The following ATP1A4 variants were observed in gnomAD, a reference collection of about 807,000 sequenced individuals.
ATP1A4 encodes the protein sodium/potassium-transporting ATPase subunit alpha-4.
A neutral mutation model predicts 114.3 loss-of-function variants in ATP1A4; 90 were observed. The observed-to-expected ratio is 0.79, with a 90% CI of 0.66 to 0.94. The LOEUF is 0.94. ATP1A4 is among the 40% of genes least tolerant of loss of function. The pLI, the probability that ATP1A4 is intolerant of heterozygous loss-of-function variation, is 0.00. For synonymous variants in ATP1A4, 511 were observed against 494.1 expected (o/e 1.03, Z -0.45); for missense variants, 1,222 against 1,313.6 (o/e 0.93, Z 1.08).
intron 9 of ATP1A4, 87 bp from the exon 10 acceptor site, chr1:160,167,191 T>C (rs1653072144): frequency 1.8e-6 from 2 of 1,120,758 alleles, no homozygotes; most frequent in Admixed American, 3.8e-5. Flanking sequence ...GCCCTCCCCA[T>C]TTGTCCCCTC....
At chr1:160,157,943 A>G (rs1327655911) in intron 4 of ATP1A4, among the ~76,000 whole-genome samples, 1 of 152,192 alleles carries the variant, frequency 6.6e-6, no homozygotes, top group Non-Finnish European at 1.5e-5. Context: ...TTGCAAAGGA[A>G]TAGGCTCCAC....
intron 18 of ATP1A4, 117 bp from the exon 19 acceptor site, chr1:160,181,567 A>G (rs1180068436): frequency 1.7e-6 from 2 of 1,179,912 alleles, no homozygotes; most frequent in African/African-American, 3.1e-5. Flanking sequence ...AAAAAAAAAA[A>G]AAAAAGAATG....
intron 4 of ATP1A4, 57 bp from the exon 5 acceptor site, chr1:160,158,945 G>C (rs1652769316): frequency 6.3e-7 from 1 of 1,577,216 alleles, no homozygotes; most frequent in Non-Finnish European, 8.6e-7. Context: ...TTTAGGCTAA[G>C]AGTGGGATGA....
In ATP1A4 at chr1:160,157,245, G is replaced by A. The variant is rs572655232; in HGVS notation, c.525+1087G>A. On this transcript the variant is annotated intron_variant, in intron 4 of 21. Transcript: ENST00000368081. ...TGCAGGTTTGTTATATAAGTAAACTGTGTGTCACAGGGATTTGGTGTACGA... is the reference window on the plus strand; with the variant it reads ...TGCAGGTTTGTTATATAAGTAAACTATGTGTCACAGGGATTTGGTGTACGA... Among the ~76,000 whole-genome samples, 13 of 152,292 alleles carry A rather than the reference G, an allele frequency of 8.5e-5. No homozygotes were observed. The East Asian group carries it at 2.5e-3, about 29-fold the overall frequency.
At chr1:160,159,348 G>T in intron 5 of ATP1A4, 61 bp from the exon 6 acceptor site, 1 of 1,463,198 alleles carries the variant, frequency 6.8e-7, no homozygotes. Flanking sequence ...TACTATTTTT[G>T]TAAATAAATC....
chr1:160,152,386 G>A (rs1316921044), intron 1 of ATP1A4, among the ~76,000 whole-genome samples, 199 bp downstream of exon 1: 1 of 152,030 alleles, frequency 6.6e-6, no homozygotes, highest in African/African-American at 2.4e-5. Context: ...GCAAGCACAG[G>A]TATATTGCAG....
At position 160,155,112 on chromosome 1, in the gene ATP1A4, C is replaced by A. The variant is rs1652596032; in HGVS notation, c.275C>A (p.Pro92His). 2.5e-6 allele frequency: 4 copies of A among 1,614,014 alleles called. No homozygotes were observed. The highest frequency in any genetic ancestry group is 4.5e-5 in the East Asian group (2 of 44,864). ...RGGPNTVTPP[P>H]TTPEWVKFCK... is the part of the protein sequence containing the mutation. Reference sequence around the variant, plus strand: ...GGACCCAATACTGTTACCCCACCCCCCACCACTCCAGAATGGGTCAAATTC... The same window carrying A: ...GGACCCAATACTGTTACCCCACCCCACACCACTCCAGAATGGGTCAAATTC... The change falls in exon 3 of 22, where the codon CCC becomes CAC. Residue 92 changes from proline to histidine, a missense_variant. By Grantham distance (77) the Pro-to-His change is moderately conservative. Transcript: ENST00000368081.
chr1:160,170,142 T>A (rs972777322), intron 10 of ATP1A4: 14 of 151,698 alleles, frequency 9.2e-5, no homozygotes, highest in African/African-American at 3.4e-4. Flanking sequence ...ATGCAAAAAA[T>A]CAGCCAGGCA....
intron 18 of ATP1A4, 31 bp from the exon 19 acceptor site, chr1:160,181,653 A>C (rs1435641622): frequency 6.2e-7 from 1 of 1,612,822 alleles, no homozygotes; most frequent in South Asian, 1.1e-5. Flanking sequence ...TCCCCTTCTG[A>C]CACTGTTTCC....
chr1:160,172,362 T>C lies in ATP1A4; in HGVS notation c.1854+605T>C, dbSNP rs117902770. Among the ~76,000 whole-genome samples the C allele has an allele frequency of 5.8e-4, 88 of 152,200 alleles. 1 individual carries two copies. The East Asian group carries it at 0.013, about 22-fold the overall frequency. On this transcript the variant is annotated intron_variant, in intron 12 of 21. Transcript: ENST00000368081. ...ACCAGGCAATAGTGAGAATGAGATA[T>C]TGAGAGCTGAAGGATCTTCAATGGG...
Position 160,177,614 on chromosome 1 carries a change from T to C in ATP1A4, c.2686T>C (p.Trp896Arg), listed in dbSNP as rs201686010. The C allele has an allele frequency of 1.1e-5, 17 of 1,614,062 alleles. No homozygotes were observed. Among genetic ancestry groups the C allele is most frequent in the Non-Finnish European group, 1.4e-5 (17 of 1,180,048 alleles). The stretch of plus-strand genomic sequence containing the variant: ...TGATCTGCTGGGCATCCGCCTCCAC[T>C]GGGAAGATAAATACTTGAATGACCT... ...PVDLLGIRLHWEDKYLNDLED... is the reference protein window; with the variant it reads ...PVDLLGIRLHREDKYLNDLED... Residue 896 changes from tryptophan (W) to arginine (R), a missense_variant, in exon 18 of 22, where the codon TGG becomes CGG. Coordinates refer to ENST00000368081, the MANE Select transcript of ATP1A4 (RefSeq NM_144699.4).
At position 160,158,991 on chromosome 1, in the gene ATP1A4, T is replaced by A; in HGVS notation, c.526-11T>A. 1 of 1,613,066 alleles carries A rather than the reference T, an allele frequency of 6.2e-7. No homozygotes were observed. Among genetic ancestry groups the A allele is most frequent in the African/African-American group, 1.3e-5 (1 of 74,998 alleles). ...AAGTTTTGGAAATGATCCTGCACTA[T>A]CCTCTCATAGCAAGCTCTGGTAATT... On this transcript the variant is annotated splice_polypyrimidine_tract_variant and intron_variant, in intron 4 of 21. Transcript: ENST00000368081.
intron 20 of ATP1A4, among the ~76,000 whole-genome samples, chr1:160,185,861 G>A (rs1001284377): frequency 6.6e-6 from 1 of 150,676 alleles, no homozygotes; most frequent in Non-Finnish European, 1.5e-5. Context: ...AGAGTTTGCA[G>A]TGAGCCGAGA....
At chr1:160,181,864 G>T in intron 19 of ATP1A4, 50 bp downstream of exon 19, 1 of 1,613,710 alleles carries the variant, frequency 6.2e-7, no homozygotes, top group Non-Finnish European at 8.5e-7. Flanking sequence ...CCACACACCA[G>T]GACATGCCAT....
chr1:160,184,089 A>G (rs1343870258), intron 20 of ATP1A4, among the ~76,000 whole-genome samples: 1 of 151,632 alleles, frequency 6.6e-6, no homozygotes, highest in African/African-American at 2.4e-5. Flanking sequence ...AGTAGCTGGG[A>G]TTACAGGCAC....
chr1:160,155,979 T>G (rs1652638109), intron 3 of ATP1A4, 66 bp from the exon 4 acceptor site: 1 of 981,534 alleles, frequency 1.0e-6, no homozygotes, highest in Admixed American at 1.7e-5. Context: ...CCTTGCAGAC[T>G]GATTTTCTGA....
intron 6 of ATP1A4, among the ~76,000 whole-genome samples, chr1:160,160,468 C>T (rs781123564): frequency 2.0e-5 from 3 of 152,170 alleles, no homozygotes; most frequent in African/African-American, 2.4e-5. Context: ...CTGCCCTCCT[C>T]GGCCTCCCAA....
At chr1:160,156,943 T>C (rs1439852779) in intron 4 of ATP1A4, among the ~76,000 whole-genome samples, 1 of 152,076 alleles carries the variant, frequency 6.6e-6, no homozygotes, top group African/African-American at 2.4e-5. Context: ...TGAGACCTTA[T>C]CTCTACAAAA....
chr1:160,177,407 C>T, intron 17 of ATP1A4, 112 bp from the exon 18 acceptor site: 1 of 1,141,068 alleles, frequency 8.8e-7, no homozygotes, highest in South Asian at 1.5e-5. Flanking sequence ...ACTCTTCAGA[C>T]ACACACCAGC....
Sources: gnomAD v4.1 joint callset for allele counts (sites outside exome capture counted in the v4.1 genomes callset) on GRCh38, gnomAD v4.1.1 for gene constraint, MANE v1.5 for transcripts, NCBI Gene and HGNC (gene_info 2026-07-23, HGNC 2026-07-21) for gene names.